The following AKR1C3 variants were observed in gnomAD, a reference collection of about 807,000 sequenced individuals.
AKR1C3 encodes aldo-keto reductase family 1 member C3.
Under a neutral mutation model 43.6 loss-of-function variants are expected in AKR1C3, and 48 were observed. That is an observed-to-expected ratio of 1.10 (90% CI 0.87 to 1.40). AKR1C3 has a LOEUF of 1.40. Ranked by LOEUF, AKR1C3 falls within the 40% of genes most tolerant of loss-of-function variation. The pLI is 0.00. For synonymous variants in AKR1C3, 162 were observed against 139.6 expected, an observed-to-expected ratio of 1.16 and a Z score of -1.13; for missense variants, 482 against 391.2, an observed-to-expected ratio of 1.23 and a Z score of -1.96.
chr10:5,066,269 C>T (rs562801214), intron 1 of AKR1C3, among the ~76,000 whole-genome samples: 34 of 152,098 alleles, frequency 2.2e-4, no homozygotes, highest in Non-Finnish European at 3.5e-4. Flanking sequence ...TCTGTTGAGG[C>T]TTAGTGCATG....
intron 1 of AKR1C3, chr10:5,077,868 A>G (rs1480379487): frequency 2.0e-5 from 11 of 550,112 alleles, no homozygotes; most frequent in Non-Finnish European, 3.4e-5. Flanking sequence ...ATTTCTAAAC[A>G]GAACTAAGAT....
At chr10:5,085,871 T>C (rs1371307009) in intron 1 of AKR1C3, among the ~76,000 whole-genome samples, 2 of 151,942 alleles carry the variant, frequency 1.3e-5, no homozygotes, top group Non-Finnish European at 2.9e-5. Flanking sequence ...ATAGAGGTGT[T>C]TACAGTATTC....
At chr10:5,107,440 T>A (rs1309005970) in intron 8 of AKR1C3, 21 bp from the exon 9 acceptor site, 1 of 1,494,788 alleles carries the variant, frequency 6.7e-7, no homozygotes, top group Non-Finnish European at 9.3e-7. Context: ...GCATTTATAT[T>A]ATACATTATT....
intron 1 of AKR1C3, among the ~76,000 whole-genome samples, chr10:5,057,925 C>G (rs1274473695): frequency 1.4e-4 from 21 of 152,338 alleles, no homozygotes; most frequent in African/African-American, 4.3e-4. Flanking sequence ...GCCCTAGACC[C>G]TGTAGGACAT....
intron 1 of AKR1C3, among the ~76,000 whole-genome samples, chr10:5,064,448 A>G (rs1398022190): frequency 6.6e-6 from 1 of 152,196 alleles, no homozygotes; most frequent in Non-Finnish European, 1.5e-5. Context: ...TATCCCAGGA[A>G]ATACCATTCT....
chr10:5,080,135 T>A lies in AKR1C3; in HGVS notation c.85-16275T>A, dbSNP rs78818911. ...CTTTCCTTCCCTCTCACTGCCCATG[T>A]CCGGACATAGGCCGGTAAGAGCGTC... On this transcript the variant is annotated intron_variant, in intron 1 of 8. Coordinates refer to the AKR1C3 transcript ENST00000439082. Among the ~76,000 whole-genome samples the A allele has an allele frequency of 4.4e-3, 668 of 151,706 alleles. 1 individual carries two copies. Among genetic ancestry groups the A allele is most frequent in the African/African-American group, 0.015 (620 of 41,272 alleles).
At chr10:5,052,276 G>A (rs138767637) in intron 1 of AKR1C3, among the ~76,000 whole-genome samples, 46 of 152,310 alleles carry the variant, frequency 3.0e-4, no homozygotes, top group African/African-American at 8.7e-4. Context: ...CCTTCATGGT[G>A]TTACAGCTCA....
chr10:5,085,398 A>T (rs1302410727), intron 1 of AKR1C3, among the ~76,000 whole-genome samples: 6 of 152,016 alleles, frequency 3.9e-5, no homozygotes, highest in African/African-American at 1.2e-4. Context: ...GCATATGTTG[A>T]ACCAACCTTG....
intron 1 of AKR1C3, among the ~76,000 whole-genome samples, chr10:5,084,332 G>A (rs1440951614): frequency 8.6e-5 from 13 of 151,472 alleles, no homozygotes; most frequent in African/African-American, 3.2e-4. Context: ...ATTAAATAGG[G>A]AATCCTTTCC....
chr10:5,069,524 A>C (rs917396507), intron 1 of AKR1C3, among the ~76,000 whole-genome samples: 5 of 152,180 alleles, frequency 3.3e-5, no homozygotes, highest in Admixed American at 6.5e-5. Context: ...CTACTGAATT[A>C]TGTGTTAACT....
chr10:5,060,680 T>C (rs1838364517), intron 1 of AKR1C3, among the ~76,000 whole-genome samples: 1 of 152,202 alleles, frequency 6.6e-6, no homozygotes. Flanking sequence ...TCCTGTGCCA[T>C]GTGCCCGCAC....
At chr10:5,079,415 G>A in intron 1 of AKR1C3, among the ~76,000 whole-genome samples, 1 of 152,150 alleles carries the variant, frequency 6.6e-6, no homozygotes, top group African/African-American at 2.4e-5. Flanking sequence ...TTTCTTCTCT[G>A]GCAGAGATTT....
rs1839377800 is a variant in AKR1C3 at position 5,102,360 on chromosome 10, T to A, written c.681-125T>A. Reference sequence around the variant, plus strand: ...CTGACGAGATCTTGGATGATGCTGATGGTGATGCTCGGGGGCCTCGCTTGA... The same window carrying A: ...CTGACGAGATCTTGGATGATGCTGAAGGTGATGCTCGGGGGCCTCGCTTGA... On this transcript the variant is annotated intron_variant, in intron 6 of 8. Transcript: ENST00000380554. The A allele has an allele frequency of 5.7e-6, 9 of 1,590,128 alleles. 1 individual carries two copies. The South Asian group carries it at 1.0e-4, about 18-fold the overall frequency.
upstream of AKR1C3, among the ~76,000 whole-genome samples, chr10:5,091,617 G>C (rs1839091215): frequency 6.6e-6 from 1 of 151,788 alleles, no homozygotes. Context: ...AGTTACTCTT[G>C]GGATTATATA....
At chr10:5,050,058 T>C (rs1026953129) in intron 1 of AKR1C3, among the ~76,000 whole-genome samples, 1 of 152,184 alleles carries the variant, frequency 6.6e-6, no homozygotes, top group Non-Finnish European at 1.5e-5. Context: ...GCTTATATCA[T>C]GTTCTCCCAA....
chr10:5,080,631 A>AAAC (rs1407668505), intron 1 of AKR1C3: 1 of 152,516 alleles, frequency 6.6e-6, no homozygotes, highest in Admixed American at 6.5e-5. Flanking sequence ...CGTCTCAAAC[A>AAAC]AACAAACAAA....
intron 1 of AKR1C3, chr10:5,096,164 A>C (rs548449135): frequency 1.8e-4 from 68 of 375,680 alleles, no homozygotes; most frequent in Non-Finnish European, 2.7e-4. Context: ...CAAATCACTG[A>C]ATCTGAGGGT....
intron 1 of AKR1C3, among the ~76,000 whole-genome samples, chr10:5,059,622 C>A (rs552180096): frequency 2.6e-5 from 4 of 152,184 alleles, no homozygotes; most frequent in African/African-American, 4.8e-5. Flanking sequence ...TTTAGTCCAG[C>A]GGCCGCACTA....
At chr10:5,105,819 T>G in intron 8 of AKR1C3, 142 bp downstream of exon 8, 1 of 670,912 alleles carries the variant, frequency 1.5e-6, no homozygotes. Flanking sequence ...CTGGATTCAC[T>G]CCAGAGCTCT....
Sources: allele counts gnomAD v4.1 joint callset (sites outside exome capture counted in the v4.1 genomes callset), GRCh38; gene constraint gnomAD v4.1.1; transcripts MANE v1.5; gene names NCBI Gene and HGNC (gene_info 2026-07-23, HGNC 2026-07-21).